NCAM2: variants seen among roughly 807,000 people sequenced by gnomAD.
NCAM2 encodes N-CAM-2.
In NCAM2, 30 loss-of-function variants were observed where a neutral mutation model predicts 98.1. The observed-to-expected ratio is 0.31, with a 90% CI of 0.23 to 0.41. The LOEUF is 0.41. NCAM2 is among the 10% of genes least tolerant of loss of function. NCAM2 has a pLI of 1.00. For synonymous variants in NCAM2, 368 were observed against 342.4 expected, an observed-to-expected ratio of 1.07 and a Z score of -0.83; for missense variants, 867 against 1,005.8, an observed-to-expected ratio of 0.86 and a Z score of 1.87.
At chr21:21,182,547 G>T (rs1378467044) in intron 1 of NCAM2, among the ~76,000 whole-genome samples, 2 of 152,094 alleles carry the variant, frequency 1.3e-5, no homozygotes, top group African/African-American at 4.8e-5. Flanking sequence ...CTATTAATGT[G>T]ATTCATGGTA....
intron 1 of NCAM2, among the ~76,000 whole-genome samples, chr21:21,222,780 TAAAGC>T (rs982955374): frequency 2.0e-5 from 3 of 152,200 alleles, no homozygotes; most frequent in African/African-American, 7.2e-5. Context: ...ACTTAGTTGA[TAAAGC>T]AGCAGCAAGT....
intron 1 of NCAM2, among the ~76,000 whole-genome samples, chr21:21,105,117 C>G (rs1159213415): frequency 1.3e-5 from 2 of 151,922 alleles, no homozygotes; most frequent in Non-Finnish European, 2.9e-5. Flanking sequence ...AAAAATGGAG[C>G]AATAAATGTT....
At chr21:21,357,986 T>C (rs918286129) in intron 8 of NCAM2, among the ~76,000 whole-genome samples, 8 of 152,128 alleles carry the variant, frequency 5.3e-5, no homozygotes, top group African/African-American at 1.9e-4. Flanking sequence ...TGGTAGTACA[T>C]CAACAGGGTT....
intron 12 of NCAM2, among the ~76,000 whole-genome samples, chr21:21,454,285 G>A (rs989068926): frequency 1.3e-5 from 2 of 152,014 alleles, no homozygotes; most frequent in East Asian, 3.9e-4. Context: ...TATATATGGA[G>A]TGTGTATGTT....
intron 1 of NCAM2, among the ~76,000 whole-genome samples, chr21:21,278,759 A>G (rs1257239205): frequency 1.3e-5 from 2 of 152,192 alleles, no homozygotes; most frequent in Non-Finnish European, 2.9e-5. Flanking sequence ...AACATATTTT[A>G]AAGAGCTTAA....
At chr21:21,043,728 G>T (rs992067534) in intron 1 of NCAM2, among the ~76,000 whole-genome samples, 1 of 151,402 alleles carries the variant, frequency 6.6e-6, no homozygotes, top group African/African-American at 2.4e-5. Context: ...GGTGGCGGGC[G>T]CCTGTAGTCC....
chr21:21,542,639 A>G lies in NCAM2; in HGVS notation c.*4682A>G, dbSNP rs944511766. 1 of 151,846 alleles carries G rather than the reference A, an allele frequency of 6.6e-6. No homozygotes were observed. Among genetic ancestry groups the G allele is most frequent in the Non-Finnish European group, 1.5e-5 (1 of 67,872 alleles). The allele number at this position is 151,846 out of a possible 1,614,324, so 9.4% of individuals were successfully genotyped here. A position where few individuals can be genotyped will look rare whatever the true frequency, so the allele number is the denominator to read the frequency against. On this transcript the variant is annotated 3_prime_UTR_variant, in exon 18 of 18. Transcript: ENST00000400546. ...AGAATTTCAAATCACAACCCGACAT[A>G]GGAGAGTAGAGAAACAAAGAAATGA...
chr21:21,100,075 CA>C (rs2146484065), intron 1 of NCAM2, among the ~76,000 whole-genome samples: 1 of 151,910 alleles, frequency 6.6e-6, no homozygotes, highest in Non-Finnish European at 1.5e-5. Context: ...CCTACATAGC[CA>C]AAAACAGCAA....
intron 1 of NCAM2, among the ~76,000 whole-genome samples, chr21:21,064,583 A>G (rs779275914): frequency 5.3e-5 from 8 of 152,294 alleles, no homozygotes; most frequent in Non-Finnish European, 1.2e-4. Flanking sequence ...TGTGGGAAGA[A>G]GTGTTCTCTT....
At chr21:21,418,674 A>C (rs1021279749) in intron 11 of NCAM2, 105 bp downstream of exon 11, 1 of 837,026 alleles carries the variant, frequency 1.2e-6, no homozygotes, top group African/African-American at 1.7e-5. Context: ...ATTTAAAACA[A>C]TGGATCTCTT....
At chr21:21,367,246 T>A (rs550287300) in intron 8 of NCAM2, among the ~76,000 whole-genome samples, 66 of 152,118 alleles carry the variant, frequency 4.3e-4, no homozygotes, top group South Asian at 1.9e-3. Flanking sequence ...TGATTTTTTT[T>A]ATAGATTTAG....
intron 9 of NCAM2, among the ~76,000 whole-genome samples, chr21:21,378,721 CAG>C (rs1189385753): frequency 6.6e-6 from 1 of 151,956 alleles, no homozygotes; most frequent in Non-Finnish European, 1.5e-5. Flanking sequence ...ACAGATATAA[CAG>C]AGTTTGTTTA....
At chr21:21,217,856 G>A (rs2069968814) in intron 1 of NCAM2, among the ~76,000 whole-genome samples, 1 of 152,150 alleles carries the variant, frequency 6.6e-6, no homozygotes, top group Admixed American at 6.5e-5. Context: ...TTGAAGACGG[G>A]ACCGAAAACA....
intron 10 of NCAM2, among the ~76,000 whole-genome samples, chr21:21,416,836 C>T (rs186064506): frequency 6.6e-6 from 1 of 152,110 alleles, no homozygotes; most frequent in East Asian, 1.9e-4. Flanking sequence ...TCCTAGAATA[C>T]ATCAAATAAG....
Position 21,351,738 on chromosome 21 carries a change from TTTCTG to T in NCAM2, c.1044+13207_1044+13211del, listed in dbSNP as rs2075345733. The stretch of plus-strand genomic sequence containing the variant: ...TCTCATCTATTTGTTCATTTGTTTG[TTTCTG>T]TTTTGTTTTGTTTTGTTTTGTTAGA... On this transcript the variant is annotated intron_variant, in intron 8 of 17. Coordinates refer to ENST00000400546, the MANE Select transcript of NCAM2 (RefSeq NM_004540.5). Among the ~76,000 whole-genome samples the T allele has an allele frequency of 2.0e-5, 3 of 152,168 alleles. No individual in the cohort carries two copies. In the South Asian group the frequency reaches 6.2e-4, roughly 32 times the overall value.
At chr21:21,286,513 C>G in intron 4 of NCAM2, 101 bp downstream of exon 4, 1 of 1,276,436 alleles carries the variant, frequency 7.8e-7, no homozygotes, top group African/African-American at 1.5e-5. Flanking sequence ...GAATTTTTGA[C>G]CCCAAATATT....
At position 21,104,480 on chromosome 21, in the gene NCAM2, T is replaced by C. The variant is rs1247158649; in HGVS notation, c.55+105862T>C. ...TGTTATCTGCCAAGCATTTGTTTCA[T>C]GCACGACAGTGAACAATGTAAATAT... On this transcript the variant is annotated intron_variant, in intron 1 of 17. Coordinates refer to ENST00000400546, the MANE Select transcript of NCAM2 (RefSeq NM_004540.5). 3.3e-5 allele frequency among the ~76,000 whole-genome samples: 5 copies of C among 152,196 alleles called. No homozygotes were observed. The East Asian group carries it at 9.6e-4, about 29-fold the overall frequency.
At chr21:21,315,763 G>A (rs1282505281) in intron 5 of NCAM2, among the ~76,000 whole-genome samples, 1 of 152,092 alleles carries the variant, frequency 6.6e-6, no homozygotes, top group Non-Finnish European at 1.5e-5. Context: ...CAGTTTGTCT[G>A]GTGATATTTT....
chr21:21,294,306 A>G (rs1234500402), intron 5 of NCAM2, among the ~76,000 whole-genome samples: 3 of 151,812 alleles, frequency 2.0e-5, no homozygotes, highest in African/African-American at 7.2e-5. Context: ...CATGGTCTGC[A>G]TTTCAACTGG....
Sources: allele counts gnomAD v4.1 joint callset (sites outside exome capture counted in the v4.1 genomes callset), GRCh38; gene constraint gnomAD v4.1.1; transcripts MANE v1.5; gene names NCBI Gene and HGNC (gene_info 2026-07-23, HGNC 2026-07-21).